Variants in FAF1 observed in about 807,000 individuals in gnomAD.
FAF1 encodes the protein FAS-associated factor 1.
Under a neutral mutation model 92.5 loss-of-function variants are expected in FAF1, and 25 were observed. That is an observed-to-expected ratio of 0.27 (90% confidence interval 0.20 to 0.38). FAF1 has a LOEUF of 0.38. Among genes scored for constraint, FAF1 ranks in the 10% least tolerant of loss-of-function variants. FAF1 has a pLI of 1.00. For missense variants in FAF1, 636 were observed against 793.3 expected (o/e 0.80, Z 2.38); for synonymous variants, 234 against 273.2 (o/e 0.86, Z 1.42).
intron 6 of FAF1, among the ~76,000 whole-genome samples, chr1:50,710,328 C>T (rs1025346916): frequency 6.6e-6 from 1 of 152,170 alleles, no homozygotes; most frequent in Non-Finnish European, 1.5e-5. Flanking sequence ...TCTACAATTC[C>T]TGGATAGCTG....
chr1:50,909,803 C>A (rs530660184), intron 1 of FAF1, among the ~76,000 whole-genome samples: 1 of 152,304 alleles, frequency 6.6e-6, no homozygotes, highest in South Asian at 2.1e-4. Context: ...TTTTTAGCTT[C>A]TTTGCGATGG....
chr1:50,779,178 T>C (rs1472634573), intron 4 of FAF1, among the ~76,000 whole-genome samples: 1 of 152,200 alleles, frequency 6.6e-6, no homozygotes, highest in Non-Finnish European at 1.5e-5. Context: ...TCTAATTCTT[T>C]TGCTATTTCT....
chr1:50,635,347 A>G (rs1653962437), intron 8 of FAF1, among the ~76,000 whole-genome samples: 1 of 152,184 alleles, frequency 6.6e-6, no homozygotes, highest in Non-Finnish European at 1.5e-5. Context: ...TAATTTCTCT[A>G]CTTTCCCTCT....
At chr1:50,589,681 C>A (rs1273509578) in intron 9 of FAF1, among the ~76,000 whole-genome samples, 1 of 152,108 alleles carries the variant, frequency 6.6e-6, no homozygotes, top group Non-Finnish European at 1.5e-5. Context: ...TTTTAATTTT[C>A]ACCAAGTCCA....
chr1:50,489,558 T>C (rs779388259), intron 17 of FAF1, among the ~76,000 whole-genome samples: 2 of 152,238 alleles, frequency 1.3e-5, no homozygotes, highest in Non-Finnish European at 2.9e-5. Context: ...TATAATTCTA[T>C]TTTTATAAGA....
chr1:50,787,507 A>G (rs1661404625), intron 4 of FAF1, among the ~76,000 whole-genome samples: 1 of 152,210 alleles, frequency 6.6e-6, no homozygotes, highest in Non-Finnish European at 1.5e-5. Context: ...GCCATATTGT[A>G]AACAGTGAGC....
At chr1:50,550,995 T>C (rs1233037904) in intron 13 of FAF1, among the ~76,000 whole-genome samples, 2 of 152,234 alleles carry the variant, frequency 1.3e-5, no homozygotes, top group East Asian at 1.9e-4. Context: ...TAAATGATTA[T>C]ATGCCTATGA....
At chr1:50,726,898 C>T (rs1207117644) in intron 6 of FAF1, among the ~76,000 whole-genome samples, 1 of 152,180 alleles carries the variant, frequency 6.6e-6, no homozygotes, top group African/African-American at 2.4e-5. Context: ...ACTTACTAGA[C>T]CGTGACTAAA....
chr1:50,530,642 G>T (rs900762259), intron 15 of FAF1, among the ~76,000 whole-genome samples: 1 of 152,022 alleles, frequency 6.6e-6, no homozygotes, highest in Non-Finnish European at 1.5e-5. Context: ...GAATGTAATT[G>T]GATTGTTTGT....
intron 8 of FAF1, among the ~76,000 whole-genome samples, chr1:50,621,391 C>CTTTTTTTTTTTTTT (rs36053834): frequency 6.7e-5 from 6 of 89,214 alleles, no homozygotes; most frequent in African/African-American, 1.9e-4. Context: ...TTCTTTTTTT[C>CTTTTTTTTTTTTTT]TTTTTTTTTT....
At chr1:50,886,852 T>C (rs991142480) in intron 1 of FAF1, among the ~76,000 whole-genome samples, 1 of 152,190 alleles carries the variant, frequency 6.6e-6, no homozygotes, top group African/African-American at 2.4e-5. Context: ...TGTGCATGTG[T>C]CCTTATAGCA....
chr1:50,591,624 G>T (rs1338476749), intron 9 of FAF1, among the ~76,000 whole-genome samples: 1 of 141,544 alleles, frequency 7.1e-6, no homozygotes, highest in Non-Finnish European at 1.5e-5. Flanking sequence ...AGTGAGCCGA[G>T]ATCGCACCAC....
chr1:50,694,433 A>T (rs1657095746), intron 7 of FAF1, among the ~76,000 whole-genome samples: 1 of 151,976 alleles, frequency 6.6e-6, no homozygotes, highest in Admixed American at 6.6e-5. Context: ...AGTTTTCATT[A>T]AAAAAATCAG....
rs534163004 is a variant in FAF1, at chr1:50,912,180, C to T, written c.45+47587G>A. Among the ~76,000 whole-genome samples the T allele has an allele frequency of 9.2e-5, 14 of 152,242 alleles. 1 individual carries two copies. The highest frequency in any genetic ancestry group is 3.3e-4 in the Admixed American group (5 of 15,298). ...ATGGAGAGAGAAGGGCTTGAGCTGCCGCTAGACAAGTCACTATTACAGAAA... is the reference window on the plus strand; with the variant it reads ...ATGGAGAGAGAAGGGCTTGAGCTGCTGCTAGACAAGTCACTATTACAGAAA... On this transcript the variant is annotated intron_variant, in intron 1 of 18. Coordinates refer to ENST00000396153, the MANE Select transcript of FAF1 (RefSeq NM_007051.3).
intron 6 of FAF1, among the ~76,000 whole-genome samples, chr1:50,731,265 G>T (rs960785869): frequency 6.6e-6 from 1 of 152,108 alleles, no homozygotes; most frequent in Non-Finnish European, 1.5e-5. Flanking sequence ...CTCCTGTCCA[G>T]TTCCCCTTGA....
intron 6 of FAF1, among the ~76,000 whole-genome samples, chr1:50,709,001 T>G (rs1315887446): frequency 6.6e-6 from 1 of 152,194 alleles, no homozygotes; most frequent in Admixed American, 6.5e-5. Context: ...GATCAATATA[T>G]GTATGTTGAA....
chr1:50,725,970 T>C (rs1418591634), intron 6 of FAF1, among the ~76,000 whole-genome samples: 1 of 152,094 alleles, frequency 6.6e-6, no homozygotes, highest in East Asian at 1.9e-4. Context: ...AAATATTAAC[T>C]GGGGCCAGGC....
intron 8 of FAF1, among the ~76,000 whole-genome samples, chr1:50,654,860 G>C (rs1317531807): frequency 6.6e-6 from 1 of 151,932 alleles, no homozygotes; most frequent in Admixed American, 6.6e-5. Context: ...CATTGATACT[G>C]TAACATTACC....
chr1:50,585,472 C>T lies in FAF1; in HGVS notation c.841-661G>A, dbSNP rs573086298. 2.0e-5 allele frequency among the ~76,000 whole-genome samples: 3 copies of T among 152,254 alleles called. No individual in the cohort carries two copies. The East Asian group carries it at 5.8e-4, about 29-fold the overall frequency. On this transcript the variant is annotated intron_variant, in intron 9 of 18. Transcript: ENST00000396153. ...GCTCTGTTTATTTTGTTTTCAGCAA[C>T]ATCAATTGAAAAGGTATTAAAAACA...
Sources: allele counts gnomAD v4.1 joint callset (sites outside exome capture counted in the v4.1 genomes callset), GRCh38; gene constraint gnomAD v4.1.1; transcripts MANE v1.5; gene names NCBI Gene and HGNC (gene_info 2026-07-23, HGNC 2026-07-21).